WWC1: variants seen among roughly 807,000 people sequenced by gnomAD.
WWC1 encodes the protein protein KIBRA.
A neutral mutation model predicts 138.4 loss-of-function variants in WWC1; 55 were observed. The ratio of observed to expected loss-of-function variants is 0.40; its 90% CI spans 0.32 to 0.50. The LOEUF (loss-of-function observed/expected upper bound fraction) is 0.50, where lower values mean the gene tolerates loss of function less well. WWC1 is among the 20% of genes least tolerant of loss of function. WWC1 has a pLI of 0.72. For synonymous variants in WWC1, 524 were observed against 564.9 expected, an observed-to-expected ratio of 0.93 and a Z score of 1.03; for missense variants, 1,226 against 1,420.4, an observed-to-expected ratio of 0.86 and a Z score of 2.20.
intron 9 of WWC1, among the ~76,000 whole-genome samples, chr5:168,420,735 C>T (rs1781029159): frequency 6.6e-6 from 1 of 152,166 alleles, no homozygotes; most frequent in African/African-American, 2.4e-5. Context: ...GCACAGTCTT[C>T]CACATTTACT....
At chr5:168,465,176 C>T (rs1757154066) in intron 21 of WWC1, among the ~76,000 whole-genome samples, 1 of 152,238 alleles carries the variant, frequency 6.6e-6, no homozygotes. Flanking sequence ...CACCTGGCTG[C>T]AAGGCCCATT....
At chr5:168,429,256 A>ATTT (rs67280988) in intron 13 of WWC1, among the ~76,000 whole-genome samples, 15,796 of 116,086 alleles carry the variant, frequency 0.14, 1,212 homozygotes, top group South Asian at 0.3. Context: ...TATGATCTCA[A>ATTT]TTTTTTTTTT....
chr5:168,449,198 A>G (rs1343219764), intron 17 of WWC1, among the ~76,000 whole-genome samples: 1 of 152,012 alleles, frequency 6.6e-6, no homozygotes, highest in East Asian at 1.9e-4. Flanking sequence ...GATATTGTTG[A>G]TTTTAATTAT....
chr5:168,427,329 G>A (rs1187039290), intron 11 of WWC1, among the ~76,000 whole-genome samples: 1 of 152,044 alleles, frequency 6.6e-6, no homozygotes, highest in African/African-American at 2.4e-5. Context: ...ATAATGTCTC[G>A]CTGAGTCCTG....
Position 168,454,006 on chromosome 5 carries a change from AG to A in WWC1, c.2566del (p.Glu856LysfsTer30). 1 of 1,600,036 alleles carries A rather than the reference AG, an allele frequency of 6.2e-7. No individual in the cohort carries two copies. Among genetic ancestry groups the A allele is most frequent in the Non-Finnish European group, 8.5e-7 (1 of 1,178,560 alleles). ...EETSENEAVA[E>X]EEEEEVEEEE... ...ACCAGTGAGAATGAGGCAGTAGCCG[AG>A]GAAGAGGAGGAGGAGGTGGAGGAGG... On this transcript the variant is annotated frameshift_variant, in exon 18 of 23. Transcript: ENST00000265293. LOFTEE classifies it high-confidence loss of function.
chr5:168,299,295 C>T (rs572004511), intron 1 of WWC1, among the ~76,000 whole-genome samples: 9 of 152,284 alleles, frequency 5.9e-5, no homozygotes, highest in Non-Finnish European at 1.3e-4. Context: ...ATGGGTGAAC[C>T]TGATGTGGAT....
At chr5:168,297,492 G>A (rs951233587) in intron 1 of WWC1, among the ~76,000 whole-genome samples, 8 of 152,046 alleles carry the variant, frequency 5.3e-5, no homozygotes, top group Non-Finnish European at 1.2e-4. Flanking sequence ...CAGGCATGGC[G>A]GTGCATGCCT....
chr5:168,442,886 CA>C (rs1482162171), intron 16 of WWC1, among the ~76,000 whole-genome samples: 3 of 151,202 alleles, frequency 2.0e-5, no homozygotes, highest in African/African-American at 7.3e-5. Context: ...TGCTTATTTT[CA>C]GTGAAAAAAT....
intron 1 of WWC1, among the ~76,000 whole-genome samples, chr5:168,317,026 C>T (rs1771662793): frequency 6.6e-6 from 1 of 152,130 alleles, no homozygotes; most frequent in Non-Finnish European, 1.5e-5. Flanking sequence ...GCTGTGGAAA[C>T]CTCACCCGGC....
Position 168,430,178 on chromosome 5 carries a change from A to G in WWC1, c.2042A>G (p.Gln681Arg). 6.2e-7 allele frequency: 1 copy of G among 1,614,184 alleles called. No individual in the cohort carries two copies. Among genetic ancestry groups the G allele is most frequent in the Non-Finnish European group, 8.5e-7 (1 of 1,180,018 alleles). The change falls in exon 14 of 23, where the codon CAG becomes CGG. Residue 681 changes from glutamine to arginine, a missense_variant. By Grantham distance (43) the Gln-to-Arg change is conservative. This residue lies in a region of WWC1 where 1,016 missense variants were observed against 1,153.9 expected (regional missense o/e 0.88). Transcript: ENST00000265293. Reference sequence around the variant, plus strand: ...AAGCAATTTGCAATATTAATCATCCAGCTGAGTAACCTTTCTGCTCTGTTG... The same window carrying G: ...AAGCAATTTGCAATATTAATCATCCGGCTGAGTAACCTTTCTGCTCTGTTG... ...KNKQFAILII[Q>R]LSNLSALLQQ...
chr5:168,297,626 C>CAAAAAAAAA, intron 1 of WWC1, among the ~76,000 whole-genome samples: 1 of 54,778 alleles, frequency 1.8e-5, no homozygotes, highest in Non-Finnish European at 3.7e-5. Context: ...AACTCCATCT[C>CAAAAAAAAA]AAAAAAAAAA....
At chr5:168,352,900 A>G (rs989299360) in intron 1 of WWC1, among the ~76,000 whole-genome samples, 8 of 152,220 alleles carry the variant, frequency 5.3e-5, no homozygotes, top group African/African-American at 9.6e-5. Context: ...ATAATTTTCA[A>G]TTATACAAAA....
chr5:168,308,602 C>CTAAAGAGAG (rs1770789485), intron 1 of WWC1, among the ~76,000 whole-genome samples: 1 of 152,140 alleles, frequency 6.6e-6, no homozygotes, highest in South Asian at 2.1e-4. Flanking sequence ...ATCTGAACTT[C>CTAAAGAGAG]TAAAGAGAGT....
intron 17 of WWC1, among the ~76,000 whole-genome samples, chr5:168,450,596 G>C (rs2152881271): frequency 6.6e-6 from 1 of 152,190 alleles, no homozygotes; most frequent in South Asian, 2.1e-4. Flanking sequence ...AACCCGGGAG[G>C]CAGAGGTTGC....
At chr5:168,321,805 G>A (rs1339484330) in intron 1 of WWC1, among the ~76,000 whole-genome samples, 1 of 152,192 alleles carries the variant, frequency 6.6e-6, no homozygotes, top group East Asian at 1.9e-4. Flanking sequence ...CCAAAGTGCT[G>A]GGATTACAGG....
Position 168,414,351 on chromosome 5 carries a change from C to G in WWC1, c.945C>G (p.Ile315Met), listed in dbSNP as rs371455356. The stretch of plus-strand genomic sequence containing the variant: ...TGCTTGCTTTCTTGGCCCCCAGGAT[C>G]GCCAACCTGAAGATCCAGCTGGCCA... ...RLRYEEAKRR[I>M]ANLKIQLAKL... The change falls in exon 9 of 23, where the codon ATC becomes ATG. Residue 315 changes from isoleucine to methionine, a missense_variant. Physicochemically the swap from Ile to Met is conservative, Grantham distance 10. Around this residue, in one of 3 missense-constraint regions of WWC1, gnomAD observed 1,016 missense variants for 1,153.9 expected, o/e 0.88. Transcript: ENST00000265293. 1 of 1,612,340 alleles carries G rather than the reference C, an allele frequency of 6.2e-7. No homozygotes were observed. Among genetic ancestry groups the G allele is most frequent in the Non-Finnish European group, 8.5e-7 (1 of 1,179,444 alleles).
chr5:168,365,678 A>G (rs1263546549), intron 1 of WWC1, among the ~76,000 whole-genome samples: 1 of 152,102 alleles, frequency 6.6e-6, no homozygotes, highest in African/African-American at 2.4e-5. Context: ...GCTCTCCCCG[A>G]CAGGTGTGCC....
chr5:168,429,439 A>G lies in WWC1; in HGVS notation c.2000+652A>G, dbSNP rs1259371712. Among the ~76,000 whole-genome samples the G allele has an allele frequency of 1.2e-4, 18 of 151,540 alleles. 1 individual carries two copies. Among genetic ancestry groups the G allele is most frequent in the Admixed American group, 1.2e-3 (18 of 15,222 alleles). On this transcript the variant is annotated intron_variant, in intron 13 of 22. Transcript: ENST00000265293. Reference sequence around the variant, plus strand: ...ACGCCCGGCTAACTTTTGTATTTTTAATAGAGATGGAGTTTCACCATGTTG... The same window carrying G: ...ACGCCCGGCTAACTTTTGTATTTTTGATAGAGATGGAGTTTCACCATGTTG...
At chr5:168,443,631 G>C (rs1754984209) in intron 16 of WWC1, among the ~76,000 whole-genome samples, 1 of 152,132 alleles carries the variant, frequency 6.6e-6, no homozygotes, top group Non-Finnish European at 1.5e-5. Context: ...ATTCCCACCT[G>C]TCAGGATGGT....
Sources: gnomAD v4.1 joint callset for allele counts (sites outside exome capture counted in the v4.1 genomes callset) on GRCh38, gnomAD v4.1.1 for gene constraint, gnomAD v4.1.1 regional missense constraint, MANE v1.5 for transcripts, NCBI Gene and HGNC (gene_info 2026-07-23, HGNC 2026-07-21) for gene names.